Variants in FOXP2 observed in about 807,000 individuals in gnomAD.
The protein encoded by FOXP2 is forkhead box P2, also known as forkhead box protein P2.
Under a neutral mutation model 115.8 loss-of-function variants are expected in FOXP2, and 12 were observed. The ratio of observed to expected loss-of-function variants is 0.10; its 90% confidence interval spans 0.07 to 0.17. FOXP2 has a LOEUF of 0.17. Among genes scored for constraint, FOXP2 ranks in the 10% least tolerant of loss-of-function variants. The pLI, the probability that FOXP2 is intolerant of heterozygous loss-of-function variation, is 1.00. For missense variants in FOXP2, 629 were observed against 843.5 expected, an observed-to-expected ratio of 0.75 and a Z score of 3.15; for synonymous variants, 328 against 297.7, an observed-to-expected ratio of 1.10 and a Z score of -1.05.
upstream of FOXP2, among the ~76,000 whole-genome samples, chr7:114,087,066 A>G (rs1294501500): frequency 6.7e-6 from 1 of 149,426 alleles, no homozygotes; most frequent in Non-Finnish European, 1.5e-5. Flanking sequence ...CCCCACCCCC[A>G]ACCTCGGGAG....
At chr7:114,259,952 C>G (rs1292013434) in intron 1 of FOXP2, among the ~76,000 whole-genome samples, 7 of 151,936 alleles carry the variant, frequency 4.6e-5, no homozygotes, top group Middle Eastern at 3.2e-3. Context: ...TGCAGTGGTG[C>G]CATCTCAGCT....
At chr7:114,408,152 A>T (rs1793078558) in intron 2 of FOXP2, among the ~76,000 whole-genome samples, 1 of 152,136 alleles carries the variant, frequency 6.6e-6, no homozygotes, top group Non-Finnish European at 1.5e-5. Context: ...TTTGGCATCA[A>T]GTTATTTTTA....
At chr7:114,514,008 T>C (rs1459217951) in intron 2 of FOXP2, among the ~76,000 whole-genome samples, 1 of 151,928 alleles carries the variant, frequency 6.6e-6, no homozygotes, top group African/African-American at 2.4e-5. Flanking sequence ...TTTTTTAAAT[T>C]GATAAGTTAA....
chr7:114,369,371 G>T (rs116198822), intron 2 of FOXP2, among the ~76,000 whole-genome samples: 1 of 152,254 alleles, frequency 6.6e-6, no homozygotes, highest in African/African-American at 2.4e-5. Flanking sequence ...TGGTACTGAT[G>T]TTCCTTGTCC....
chr7:114,418,494 CTT>C (rs1793454074), intron 1 of FOXP2, among the ~76,000 whole-genome samples: 1 of 151,878 alleles, frequency 6.6e-6, no homozygotes, highest in African/African-American at 2.4e-5. Context: ...TGTAGTGACT[CTT>C]GTTAGTATTA....
intron 2 of FOXP2, among the ~76,000 whole-genome samples, chr7:114,497,818 G>A (rs1002529459): frequency 1.3e-5 from 2 of 152,058 alleles, no homozygotes; most frequent in African/African-American, 2.4e-5. Context: ...CAATTTTATA[G>A]TGTTCAAATG....
chr7:114,152,053 A>G lies in FOXP2; in HGVS notation c.-246-10891A>G, dbSNP rs529825655. Among the ~76,000 whole-genome samples, 28 of 152,270 alleles carry G rather than the reference A, an allele frequency of 1.8e-4. No homozygotes were observed. The South Asian group carries it at 5.0e-3, about 27-fold the overall frequency. On this transcript the variant is annotated intron_variant, in intron 1 of 19. Transcript: ENST00000635638. ...TACAGCTCGAATGTAAAAATAGTTA[A>G]GGAATATAAAGTAGCAGAAATCTAA... is the stretch of plus-strand genomic sequence containing the variant.
chr7:114,440,942 A>G (rs1420388060), intron 2 of FOXP2, among the ~76,000 whole-genome samples: 5 of 152,202 alleles, frequency 3.3e-5, no homozygotes, highest in Non-Finnish European at 4.4e-5. Flanking sequence ...TTCTATTTTG[A>G]TCCATAATAA....
intron 2 of FOXP2, among the ~76,000 whole-genome samples, chr7:114,471,344 A>G (rs921849694): frequency 9.8e-5 from 15 of 152,324 alleles, no homozygotes; most frequent in Non-Finnish European, 1.6e-4. Flanking sequence ...AATCAGTCCC[A>G]ATTGATCTGT....
chr7:114,641,232 G>A (rs1164743434), intron 6 of FOXP2, among the ~76,000 whole-genome samples: 2 of 151,920 alleles, frequency 1.3e-5, no homozygotes, highest in Non-Finnish European at 2.9e-5. Flanking sequence ...AAAAGCACAA[G>A]GTCTATAAAA....
chr7:114,510,246 T>C (rs556403806), intron 2 of FOXP2, among the ~76,000 whole-genome samples: 2 of 152,276 alleles, frequency 1.3e-5, no homozygotes, highest in East Asian at 1.9e-4. Flanking sequence ...GCTGTCCTGA[T>C]TGCTGGTACA....
At chr7:114,173,314 T>C in intron 1 of FOXP2, among the ~76,000 whole-genome samples, 1 of 151,906 alleles carries the variant, frequency 6.6e-6, no homozygotes, top group East Asian at 1.9e-4. Context: ...TTTTAAAAAG[T>C]ACCAGATATG....
At chr7:114,300,959 T>C (rs1307799227) in intron 2 of FOXP2, among the ~76,000 whole-genome samples, 1 of 152,066 alleles carries the variant, frequency 6.6e-6, no homozygotes, top group Non-Finnish European at 1.5e-5. Context: ...AATCCCCTTT[T>C]GCACAACCAT....
Position 114,237,996 on chromosome 7 carries a change from A to C in FOXP2, c.-101-50023A>C, listed in dbSNP as rs183493867. Among the ~76,000 whole-genome samples the C allele has an allele frequency of 1.8e-3, 271 of 152,290 alleles. 1 individual carries two copies. Among genetic ancestry groups the C allele is most frequent in the African/African-American group, 6.3e-3 (263 of 41,566 alleles). ...GCATCTCAAACAAACAAACAAACTA[A>C]CAAACACACACACAAACAAAAAATC... On this transcript the variant is annotated intron_variant, in intron 1 of 17. Transcript: ENST00000634411.
intron 6 of FOXP2, among the ~76,000 whole-genome samples, chr7:114,639,189 A>G (rs1353174801): frequency 1.3e-5 from 2 of 152,190 alleles, no homozygotes; most frequent in African/African-American, 2.4e-5. Flanking sequence ...TAGCCACTCA[A>G]TCTATGTTAG....
Position 114,536,003 on chromosome 7 carries a change from C to A in FOXP2, c.258+1297C>A, listed in dbSNP as rs531245548. 2.0e-3 allele frequency among the ~76,000 whole-genome samples: 304 copies of A among 151,540 alleles called. 1 individual carries two copies. The highest frequency in any genetic ancestry group is 7.2e-3 in the African/African-American group (297 of 41,444). ...ATTCTTCCCCAATTTATAATGGGAGCGTAGGTGTAGTATTTCCATGGAGTT... is the reference window on the plus strand; with the variant it reads ...ATTCTTCCCCAATTTATAATGGGAGAGTAGGTGTAGTATTTCCATGGAGTT... On this transcript the variant is annotated intron_variant, in intron 3 of 16. Coordinates refer to ENST00000350908, the MANE Select transcript of FOXP2 (RefSeq NM_014491.4).
At chr7:114,086,905 T>G (rs1176210227), upstream of FOXP2, among the ~76,000 whole-genome samples, 1 of 152,224 alleles carries the variant, frequency 6.6e-6, no homozygotes, top group Non-Finnish European at 1.5e-5. Context: ...TGCTGTTGGC[T>G]CACGGATGAT....
At chr7:114,357,092 T>C (rs1791635383) in intron 2 of FOXP2, among the ~76,000 whole-genome samples, 1 of 152,156 alleles carries the variant, frequency 6.6e-6, no homozygotes, top group Non-Finnish European at 1.5e-5. Context: ...TCTAACTTGA[T>C]TAACTCTGTA....
chr7:114,107,207 A>G (rs1427063284), intron 1 of FOXP2, among the ~76,000 whole-genome samples: 1 of 151,982 alleles, frequency 6.6e-6, no homozygotes, highest in African/African-American at 2.4e-5. Context: ...TTAGGAAGCC[A>G]GTTTTCCTGG....
Sources: gnomAD v4.1 joint callset for allele counts (sites outside exome capture counted in the v4.1 genomes callset) on GRCh38, gnomAD v4.1.1 for gene constraint, MANE v1.5 for transcripts, NCBI Gene and HGNC (gene_info 2026-07-23, HGNC 2026-07-21) for gene names.